The following ARHGAP5 variants were observed in gnomAD, a reference collection of about 807,000 sequenced individuals.
The protein encoded by ARHGAP5 is rho GTPase-activating protein 5.
ARHGAP5 carries 23 observed loss-of-function variants against 116.6 expected under a neutral mutation model. The ratio of observed to expected loss-of-function variants is 0.20; its 90% confidence interval spans 0.14 to 0.28. The LOEUF is 0.28. Among genes scored for constraint, ARHGAP5 ranks in the 10% least tolerant of loss-of-function variants. The probability of loss-of-function intolerance (pLI) is 1.00; values close to 1 mark genes in which losing one functional copy is unlikely to be tolerated. For synonymous variants in ARHGAP5, 574 were observed against 602.0 expected, an observed-to-expected ratio of 0.95 and a Z score of 0.68; for missense variants, 1,405 against 1,774.8, an observed-to-expected ratio of 0.79 and a Z score of 3.74.
chr14:32,136,285 G>C (rs1880791990), intron 3 of ARHGAP5, among the ~76,000 whole-genome samples: 2 of 152,128 alleles, frequency 1.3e-5, no homozygotes, highest in South Asian at 4.1e-4. Context: ...TCATTCCTCA[G>C]TTCACTCCTC....
intron 3 of ARHGAP5, among the ~76,000 whole-genome samples, chr14:32,129,164 T>A (rs1443318507): frequency 3.9e-5 from 6 of 152,202 alleles, no homozygotes; most frequent in African/African-American, 1.4e-4. Context: ...TTAGGTTAGA[T>A]AGAATCTGTG....
intron 3 of ARHGAP5, among the ~76,000 whole-genome samples, chr14:32,144,058 T>A (rs112508213): frequency 6.6e-6 from 1 of 152,206 alleles, no homozygotes; most frequent in African/African-American, 2.4e-5. Context: ...GGATGGAAAG[T>A]TCCTGCTATG....
intron 2 of ARHGAP5, among the ~76,000 whole-genome samples, chr14:32,113,354 A>C (rs142376082): frequency 8.1e-4 from 124 of 152,226 alleles, no homozygotes; most frequent in African/African-American, 2.6e-3. Context: ...GTCATTAATT[A>C]GTGGAAAAAT....
In ARHGAP5 at chr14:32,090,993, G is replaced by C; in HGVS notation, c.324G>C (p.Arg108=). The C allele has an allele frequency of 6.2e-7, 1 of 1,613,612 alleles. No homozygotes were observed. The highest frequency in any genetic ancestry group is 8.5e-7 in the Non-Finnish European group (1 of 1,179,650). Residue 108 remains arginine (R), a synonymous_variant, in exon 2 of 7, where the codon CGG becomes CGC. Transcript: ENST00000345122. The part of the protein sequence containing the change: ...FIDDQTFLPH[R]STNLQPYIKR... ...ATGACCAGACTTTCTTGCCTCATCG[G>C]AGTACGAATTTGCAACCATATATAA...
intron 3 of ARHGAP5, among the ~76,000 whole-genome samples, chr14:32,142,534 T>C (rs748033200): frequency 6.6e-6 from 1 of 152,236 alleles, no homozygotes; most frequent in Non-Finnish European, 1.5e-5. Context: ...TTTCTTTAAA[T>C]ATCTGGAGCC....
At chr14:32,101,180 T>A (rs1878773199) in intron 2 of ARHGAP5, among the ~76,000 whole-genome samples, 1 of 152,214 alleles carries the variant, frequency 6.6e-6, no homozygotes, top group African/African-American at 2.4e-5. Flanking sequence ...TTCTTTGTAT[T>A]TTACTGCTCC....
chr14:32,146,729 A>T (rs191773989), intron 4 of ARHGAP5, among the ~76,000 whole-genome samples: 2 of 152,224 alleles, frequency 1.3e-5, no homozygotes, highest in Non-Finnish European at 2.9e-5. Flanking sequence ...TAATGTAAGT[A>T]TGAAGACAGA....
chr14:32,091,492 A>G lies in ARHGAP5; in HGVS notation c.823A>G (p.Lys275Glu). 6.2e-7 allele frequency: 1 copy of G among 1,613,326 alleles called. No individual in the cohort carries two copies. The highest frequency in any genetic ancestry group is 8.5e-7 in the Non-Finnish European group (1 of 1,179,568). The change falls in exon 2 of 7, where the codon AAG becomes GAG. Residue 275 changes from lysine (K) to glutamate (E), a missense_variant. This residue lies in a region of ARHGAP5 where 944 missense variants were observed against 1,095.3 expected (regional missense o/e 0.86). Transcript: ENST00000345122. The stretch of plus-strand genomic sequence containing the variant: ...ACAACTTGTTGTCACAGCAACAGAT[A>G]AGTTTGAAAAACTTGTGCAGACTGT... The part of the protein sequence containing the change: ...QRQLVVTATD[K>E]FEKLVQTVRD...
At chr14:32,127,188 G>A (rs1286445285) in intron 3 of ARHGAP5, among the ~76,000 whole-genome samples, 1 of 150,930 alleles carries the variant, frequency 6.6e-6, no homozygotes, top group Non-Finnish European at 1.5e-5. Context: ...AATTTTTTTA[G>A]TATTTATTGA....
intron 3 of ARHGAP5, among the ~76,000 whole-genome samples, chr14:32,142,000 T>C (rs992271617): frequency 1.3e-5 from 2 of 152,174 alleles, no homozygotes; most frequent in African/African-American, 4.8e-5. Context: ...GATTACTCCT[T>C]CTGACTGCTC....
chr14:32,156,319 C>T lies in ARHGAP5; in HGVS notation c.*1371C>T, dbSNP rs1301874405. The T allele has an allele frequency of 6.6e-6, 1 of 152,312 alleles. No individual in the cohort carries two copies. Among genetic ancestry groups the T allele is most frequent in the Non-Finnish European group, 1.5e-5 (1 of 67,834 alleles). 9.4% of individuals were successfully genotyped at this position (152,312 alleles called of 1,614,324 possible). On this transcript the variant is annotated 3_prime_UTR_variant, in exon 7 of 7. Transcript: ENST00000345122. The stretch of plus-strand genomic sequence containing the variant: ...GTCAATGTTATCTTAATTCATACTA[C>T]AATTTAAGATTATCTTATGTGTATT...
chr14:32,128,248 A>G (rs937029256), intron 3 of ARHGAP5, among the ~76,000 whole-genome samples: 14 of 149,172 alleles, frequency 9.4e-5, no homozygotes, highest in African/African-American at 3.0e-4. Flanking sequence ...ATGGGTGGCC[A>G]GGCAGACGCT....
At chr14:32,131,800 A>G (rs942063219) in intron 3 of ARHGAP5, among the ~76,000 whole-genome samples, 1 of 152,030 alleles carries the variant, frequency 6.6e-6, no homozygotes, top group African/African-American at 2.4e-5. Flanking sequence ...TGTTCTCATT[A>G]TTCAGTTCCC....
In ARHGAP5 at chr14:32,093,882, A is replaced by G; in HGVS notation, c.3213A>G (p.Arg1071=). 7.4e-6 allele frequency: 12 copies of G among 1,614,138 alleles called. No individual in the cohort carries two copies. The highest frequency in any genetic ancestry group is 1.0e-5 in the Non-Finnish European group (12 of 1,180,016). The part of the protein sequence containing the change: ...TIEAGIGKNP[R]KQTSRVPLAH... Reference sequence around the variant, plus strand: ...AAGCTGGTATTGGTAAAAATCCAAGAAAGCAGACTTCCCGGGTGCCTTTGG... The same window carrying G: ...AAGCTGGTATTGGTAAAAATCCAAGGAAGCAGACTTCCCGGGTGCCTTTGG... Residue 1071 remains arginine, a synonymous_variant, in exon 2 of 7, where the codon AGA becomes AGG. Transcript: ENST00000345122.
chr14:32,086,729 A>G (rs1195856820), intron 1 of ARHGAP5, among the ~76,000 whole-genome samples: 1 of 151,418 alleles, frequency 6.6e-6, no homozygotes, highest in Admixed American at 6.6e-5. Context: ...GCAAAGGAGG[A>G]TGCAGTGTTT....
intron 1 of ARHGAP5, among the ~76,000 whole-genome samples, chr14:32,079,383 C>A (rs768685880): frequency 3.2e-4 from 48 of 152,186 alleles, no homozygotes; most frequent in Middle Eastern, 3.4e-3. Context: ...AGTGTCCCTC[C>A]CCATTTAAAC....
chr14:32,121,792 C>T (rs1228270987), intron 3 of ARHGAP5, among the ~76,000 whole-genome samples: 1 of 152,206 alleles, frequency 6.6e-6, no homozygotes, highest in Non-Finnish European at 1.5e-5. Context: ...TCTGCCTTTA[C>T]AGGCTTGCCT....
chr14:32,095,419 T>G (rs1439137738), intron 2 of ARHGAP5, among the ~76,000 whole-genome samples: 2 of 149,952 alleles, frequency 1.3e-5, no homozygotes, highest in Non-Finnish European at 3.0e-5. Flanking sequence ...TTTTTTTGTT[T>G]TTTTTTTTTT....
chr14:32,084,780 G>T (rs1426940584), intron 1 of ARHGAP5, among the ~76,000 whole-genome samples: 2 of 152,144 alleles, frequency 1.3e-5, no homozygotes, highest in South Asian at 2.1e-4. Flanking sequence ...ATAAACTGTG[G>T]TTCAAAGATG....
Sources: allele counts gnomAD v4.1 joint callset (sites outside exome capture counted in the v4.1 genomes callset), GRCh38; gene constraint gnomAD v4.1.1; regional missense constraint gnomAD v4.1.1; transcripts MANE v1.5; gene names NCBI Gene and HGNC (gene_info 2026-07-23, HGNC 2026-07-21).